Variants in NLRP4 observed in about 807,000 individuals in gnomAD.
NLRP4 encodes the protein NLR family pyrin domain containing 4.
Under a neutral mutation model 84.7 loss-of-function variants are expected in NLRP4, and 44 were observed. That is an observed-to-expected ratio of 0.52 (90% CI 0.41 to 0.67). NLRP4 has a LOEUF of 0.67. NLRP4 is among the 30% of genes least tolerant of loss of function. The probability of loss-of-function intolerance (pLI) is 0.00; values close to 1 mark genes in which losing one functional copy is unlikely to be tolerated. For synonymous variants in NLRP4, 544 were observed against 476.4 expected (o/e 1.14, Z -1.85); for missense variants, 1,260 against 1,219.4 (o/e 1.03, Z -0.50).
Position 55,861,368 on chromosome 19 carries a change from G to A in NLRP4, c.1857-18G>A, listed in dbSNP as rs183104953. ...TTGACCGCCTGCCTGTGGAAAGCTC[G>A]TCCTTTCTTGACCACAGGTCGGATT... On this transcript the variant is annotated intron_variant, in intron 3 of 9. Coordinates refer to ENST00000301295, the MANE Select transcript of NLRP4 (RefSeq NM_134444.5). The A allele has an allele frequency of 1.4e-5, 22 of 1,609,158 alleles. No homozygotes were observed. The highest frequency in any genetic ancestry group is 1.7e-4 in the Middle Eastern group (1 of 6,016).
chr19:55,854,751 C>G (rs1271321134), intron 2 of NLRP4, among the ~76,000 whole-genome samples: 1 of 152,134 alleles, frequency 6.6e-6, no homozygotes, highest in Non-Finnish European at 1.5e-5. Context: ...CGGAGTTTCA[C>G]TCTTTCACCC....
intron 9 of NLRP4, among the ~76,000 whole-genome samples, chr19:55,880,320 A>G (rs1985539507): frequency 6.6e-6 from 1 of 152,180 alleles, no homozygotes; most frequent in South Asian, 2.1e-4. Flanking sequence ...ACCAAAGTAG[A>G]CACGTGATTA....
At chr19:55,872,769 C>T (rs1985234862) in intron 7 of NLRP4, among the ~76,000 whole-genome samples, 1 of 152,132 alleles carries the variant, frequency 6.6e-6, no homozygotes, top group South Asian at 2.1e-4. Flanking sequence ...TTTAAGAAGA[C>T]TGAAATTTTT....
Position 55,867,841 on chromosome 19 carries a change from C to T in NLRP4, c.2319C>T (p.Ala773=). ...CAGGCGTGCCCCTTTTGTGTGAAGC[C>T]CTGTGCAGCCCAGACACGGTCCTGG... is the stretch of plus-strand genomic sequence containing the variant. The part of the protein sequence containing the change: ...LDTGVPLLCE[A]LCSPDTVLVY... The change falls in exon 6 of 10, where the codon GCC becomes GCT. Residue 773 remains alanine, a synonymous_variant. Coordinates refer to ENST00000301295, the MANE Select transcript of NLRP4 (RefSeq NM_134444.5). 6.2e-7 allele frequency: 1 copy of T among 1,614,124 alleles called. No homozygotes were observed. The highest frequency in any genetic ancestry group is 8.5e-7 in the Non-Finnish European group (1 of 1,180,004).
At chr19:55,870,046 T>C (rs893096103) in intron 6 of NLRP4, among the ~76,000 whole-genome samples, 5 of 151,888 alleles carry the variant, frequency 3.3e-5, no homozygotes, top group Admixed American at 6.6e-5. Context: ...TGCAGTGAGC[T>C]GTGATCATGC....
chr19:55,861,455 G>A lies in NLRP4; in HGVS notation c.1926G>A (p.Glu642=). 6.2e-7 allele frequency: 1 copy of A among 1,613,984 alleles called. No homozygotes were observed. The highest frequency in any genetic ancestry group is 8.5e-7 in the Non-Finnish European group (1 of 1,179,808). ...SVLTTSGHLR[E]LQVQDSTLSE... ...TCACCACCAGCGGGCACCTCAGAGA[G>A]CTCCAGGTGCAGGACAGCACCCTCA... Residue 642 remains glutamate, a synonymous_variant, in exon 4 of 10, where the codon GAG becomes GAA. Transcript: ENST00000301295.
chr19:55,847,708 C>T (rs971449969), intron 1 of NLRP4, among the ~76,000 whole-genome samples: 2 of 149,666 alleles, frequency 1.3e-5, no homozygotes, highest in Non-Finnish European at 3.0e-5. Flanking sequence ...CCCTTTTTAC[C>T]TAATATCCTT....
chr19:55,853,153 C>A (rs897951099), intron 2 of NLRP4, among the ~76,000 whole-genome samples: 2 of 152,202 alleles, frequency 1.3e-5, no homozygotes, highest in Non-Finnish European at 2.9e-5. Context: ...TTACTTTGCA[C>A]ATTTGCGTTA....
chr19:55,843,930 ATC>A (rs1377505623), intron 1 of NLRP4, among the ~76,000 whole-genome samples: 1 of 151,736 alleles, frequency 6.6e-6, no homozygotes, highest in Non-Finnish European at 1.5e-5. Flanking sequence ...TCATCTTTTT[ATC>A]TCTCTCTTCT....
intron 6 of NLRP4, among the ~76,000 whole-genome samples, chr19:55,870,159 G>A (rs1411552966): frequency 6.6e-6 from 1 of 152,032 alleles, no homozygotes; most frequent in Non-Finnish European, 1.5e-5. Context: ...GAAAAAGTTG[G>A]GGATTCTACA....
At chr19:55,865,054 T>C (rs1984901691) in intron 5 of NLRP4, among the ~76,000 whole-genome samples, 1 of 152,246 alleles carries the variant, frequency 6.6e-6, no homozygotes, top group Non-Finnish European at 1.5e-5. Context: ...TGGCACGTCA[T>C]GGAAGTTTGG....
chr19:55,837,518 T>C (rs1983393070), intron 1 of NLRP4, among the ~76,000 whole-genome samples: 1 of 152,056 alleles, frequency 6.6e-6, no homozygotes, highest in African/African-American at 2.4e-5. Flanking sequence ...GTTTAGACTA[T>C]GAAACGTATA....
chr19:55,840,173 A>C (rs1306677542), intron 1 of NLRP4, among the ~76,000 whole-genome samples: 1 of 152,192 alleles, frequency 6.6e-6, no homozygotes, highest in Non-Finnish European at 1.5e-5. Flanking sequence ...CTGTGTCCAC[A>C]AGGTAAAATT....
At chr19:55,856,660 C>T (rs1271033894) in intron 2 of NLRP4, among the ~76,000 whole-genome samples, 1 of 151,856 alleles carries the variant, frequency 6.6e-6, no homozygotes, top group Non-Finnish European at 1.5e-5. Context: ...GGACTACAGG[C>T]ACACACCACC....
intron 5 of NLRP4, among the ~76,000 whole-genome samples, chr19:55,862,742 T>G (rs953473864): frequency 4.0e-5 from 6 of 151,756 alleles, no homozygotes; most frequent in African/African-American, 1.5e-4. Context: ...TAAGTCTCTG[T>G]TTATTGAGAC....
intron 2 of NLRP4, among the ~76,000 whole-genome samples, chr19:55,857,114 T>A (rs1459599341): frequency 6.6e-6 from 1 of 152,272 alleles, no homozygotes; most frequent in East Asian, 1.9e-4. Flanking sequence ...AATATTTGTA[T>A]AATAGCTTGT....
Position 55,861,537 on chromosome 19 carries a change from C to T in NLRP4, c.2008C>T (p.Gln670Ter), listed in dbSNP as rs1458653668. ...GCTGAGGCATCCCAGCTGTCGCCTT[C>T]AGAAGCTTGGGTGAGTTGAGAATCG... ...NQLRHPSCRL[Q>*]KLGINNVSFS... is the part of the protein sequence containing the mutation. The change falls in exon 4 of 10, where the codon CAG becomes TAG. Residue 670 changes from glutamine to a stop codon, truncating the protein, a stop_gained. Transcript: ENST00000301295. LOFTEE classifies it high-confidence loss of function. 1 of 1,613,950 alleles carries T rather than the reference C, an allele frequency of 6.2e-7. No individual in the cohort carries two copies. The highest frequency in any genetic ancestry group is 1.7e-5 in the Admixed American group (1 of 59,984).
rs998080130 is a variant in NLRP4 at position 55,881,646 on chromosome 19, A to C, written c.*59A>C. 1 of 794,908 alleles carries C rather than the reference A, an allele frequency of 1.3e-6. No homozygotes were observed. Among genetic ancestry groups the C allele is most frequent in the South Asian group, 1.5e-5 (1 of 66,298 alleles). The allele number at this position is 794,908 out of a possible 1,614,324, so 49.2% of individuals were successfully genotyped here. ...GCAAAGGACAGGGACTGGGACCGTT[A>C]CTTACATGACACTGCACCCAGGAGA... On this transcript the variant is annotated 3_prime_UTR_variant, in exon 10 of 10. Transcript: ENST00000301295.
chr19:55,870,803 C>G, intron 6 of NLRP4, 24 bp from the exon 7 acceptor site: 1 of 1,596,012 alleles, frequency 6.3e-7, no homozygotes, highest in South Asian at 1.1e-5. Flanking sequence ...CTTCACTCTC[C>G]TTCTCGTGTT....
Sources: allele counts gnomAD v4.1 joint callset (sites outside exome capture counted in the v4.1 genomes callset), GRCh38; gene constraint gnomAD v4.1.1; transcripts MANE v1.5; gene names NCBI Gene and HGNC (gene_info 2026-07-23, HGNC 2026-07-21).